Variants in EPB41L5 observed in about 807,000 individuals in gnomAD.
EPB41L5 encodes erythrocyte membrane protein band 4.1 like 5.
Under a neutral mutation model 106.6 loss-of-function variants are expected in EPB41L5, and 55 were observed. The observed-to-expected ratio is 0.52, with a 90% confidence interval of 0.42 to 0.65. The LOEUF (loss-of-function observed/expected upper bound fraction) is 0.65. EPB41L5 is among the 30% of genes least tolerant of loss of function. The probability of loss-of-function intolerance (pLI) is 0.00; values close to 1 mark genes in which losing one functional copy is unlikely to be tolerated. For missense variants in EPB41L5, 871 were observed against 882.1 expected (o/e 0.99, Z 0.16); for synonymous variants, 297 against 306.7 (o/e 0.97, Z 0.33).
At chr2:120,106,552 C>G (rs1204590433) in intron 16 of EPB41L5, 22 of 985,292 alleles carry the variant, frequency 2.2e-5, no homozygotes, top group East Asian at 1.1e-4. Context: ...AAGCACCTTA[C>G]TGGGTCACCA....
At chr2:120,121,372 C>A (rs530141731) in intron 16 of EPB41L5, among the ~76,000 whole-genome samples, 5 of 152,232 alleles carry the variant, frequency 3.3e-5, no homozygotes, top group Middle Eastern at 3.4e-3. Flanking sequence ...CCCGACAGGC[C>A]CCAGTGTGTG....
In EPB41L5 at chr2:120,108,176, G is replaced by A. The variant is rs560551691; in HGVS notation, c.1337+7362G>A. ...GCCTCAGTTCTAGGTGGTGGTGCTT[G>A]AGTGAACATTTTACATTTTGTTCCT... is the stretch of plus-strand genomic sequence containing the variant. On this transcript the variant is annotated intron_variant, in intron 16 of 24. Transcript: ENST00000263713. 7.9e-5 allele frequency: 12 copies of A among 152,220 alleles called. No homozygotes were observed. In the East Asian group the frequency reaches 1.5e-3, roughly 20 times the overall value. The allele number at this position is 152,220 out of a possible 1,614,324, so 9.4% of individuals were successfully genotyped here.
chr2:120,065,293 ATTT>A (rs1330333029), intron 3 of EPB41L5, among the ~76,000 whole-genome samples: 2 of 147,754 alleles, frequency 1.4e-5, no homozygotes, highest in Admixed American at 1.4e-4. Context: ...TTAAAAAAAA[ATTT>A]TTTTTTTTGG....
chr2:120,058,621 C>G (rs771104034), intron 3 of EPB41L5, among the ~76,000 whole-genome samples: 1 of 152,178 alleles, frequency 6.6e-6, no homozygotes, highest in South Asian at 2.1e-4. Context: ...CATTTACCTG[C>G]AAAAGACAGT....
At chr2:120,165,016 T>G in intron 22 of EPB41L5, 106 bp downstream of exon 22, 1 of 816,482 alleles carries the variant, frequency 1.2e-6, no homozygotes, top group Non-Finnish European at 1.9e-6. Flanking sequence ...AAACTTTTCA[T>G]TTGATAAGAG....
chr2:120,065,509 A>G (rs1477067152), intron 3 of EPB41L5, among the ~76,000 whole-genome samples: 1 of 114,422 alleles, frequency 8.7e-6, no homozygotes, highest in Non-Finnish European at 1.7e-5. Flanking sequence ...AAGACTTTAG[A>G]TTGTTCTTTT....
chr2:120,090,584 T>C (rs1436125083), intron 12 of EPB41L5, 68 bp downstream of exon 12: 2 of 1,393,018 alleles, frequency 1.4e-6, no homozygotes, highest in Non-Finnish European at 2.0e-6. Flanking sequence ...GCCAATCTTC[T>C]CTTTTTTACA....
At chr2:120,120,431 CA>C (rs35837378) in intron 16 of EPB41L5, among the ~76,000 whole-genome samples, 286 of 92,798 alleles carry the variant, frequency 3.1e-3, no homozygotes, top group Middle Eastern at 0.011. Context: ...CACTCAATCT[CA>C]AAAAAAAAAA....
intron 18 of EPB41L5, among the ~76,000 whole-genome samples, chr2:120,137,969 A>G (rs1298540153): frequency 2.0e-5 from 3 of 152,104 alleles, no homozygotes; most frequent in Non-Finnish European, 2.9e-5. Context: ...ATACTAGCAA[A>G]CTGAATTCAA....
Position 120,055,768 on chromosome 2 carries a change from A to G in EPB41L5, c.285+13658A>G, listed in dbSNP as rs562893218. On this transcript the variant is annotated intron_variant, in intron 3 of 24. Transcript: ENST00000263713. Reference sequence around the variant, plus strand: ...CATTTTTGGATTGTTCATTGTTAGCATATAGAACTGCAACTGATTTTTGTG... The same window carrying G: ...CATTTTTGGATTGTTCATTGTTAGCGTATAGAACTGCAACTGATTTTTGTG... Among the ~76,000 whole-genome samples, 688 of 152,242 alleles carry G rather than the reference A, an allele frequency of 4.5e-3. 3 individuals carry two copies. Among genetic ancestry groups the G allele is most frequent in the Non-Finnish European group, 7.4e-3 (505 of 68,014 alleles).
At chr2:120,018,090 A>T (rs1677658855) in intron 1 of EPB41L5, among the ~76,000 whole-genome samples, 1 of 151,730 alleles carries the variant, frequency 6.6e-6, no homozygotes, top group African/African-American at 2.4e-5. Context: ...GCCTCCCGGT[A>T]GCTGGGACTA....
intron 24 of EPB41L5, among the ~76,000 whole-genome samples, chr2:120,173,097 C>T (rs1220839920): frequency 1.3e-5 from 2 of 151,908 alleles, no homozygotes; most frequent in South Asian, 2.1e-4. Context: ...TAAGCCATCA[C>T]GACAACAAAA....
intron 16 of EPB41L5, among the ~76,000 whole-genome samples, chr2:120,112,369 A>C (rs1033938786): frequency 6.6e-6 from 1 of 152,102 alleles, no homozygotes. Context: ...ATCCTCAGAC[A>C]CTCCATATAT....
Position 120,176,830 on chromosome 2 carries a change from T to G in EPB41L5, c.*1923T>G, listed in dbSNP as rs1244523833. On this transcript the variant is annotated 3_prime_UTR_variant, in exon 25 of 25. Coordinates refer to ENST00000263713, the MANE Select transcript of EPB41L5 (RefSeq NM_020909.4). ...TGGAAGACCTAAATCTCCCATCCAGTTCAGGAGGTGACAACATCCTTATTT... is the reference window on the plus strand; with the variant it reads ...TGGAAGACCTAAATCTCCCATCCAGGTCAGGAGGTGACAACATCCTTATTT... 1 of 152,196 alleles carries G rather than the reference T, an allele frequency of 6.6e-6. No homozygotes were observed. The highest frequency in any genetic ancestry group is 1.9e-4 in the East Asian group (1 of 5,198). 9.4% of individuals were successfully genotyped at this position (152,196 alleles called of 1,614,324 possible).
At chr2:120,156,393 C>A (rs555331999) in intron 20 of EPB41L5, among the ~76,000 whole-genome samples, 1 of 152,336 alleles carries the variant, frequency 6.6e-6, no homozygotes, top group African/African-American at 2.4e-5. Flanking sequence ...CCCCACACTT[C>A]AGCTTCCCCC....
chr2:120,133,753 A>G lies in EPB41L5; in HGVS notation c.1599+2038A>G, dbSNP rs555551319. ...CAGAGCCAGTGGACCTGGGGTACACATGACCTAGAGAGATACTAGCTGGAG... is the reference window on the plus strand; with the variant it reads ...CAGAGCCAGTGGACCTGGGGTACACGTGACCTAGAGAGATACTAGCTGGAG... On this transcript the variant is annotated intron_variant, in intron 18 of 24. Coordinates refer to ENST00000263713, the MANE Select transcript of EPB41L5 (RefSeq NM_020909.4). Among the ~76,000 whole-genome samples, 42 of 152,316 alleles carry G rather than the reference A, an allele frequency of 2.8e-4. 1 individual carries two copies. Among genetic ancestry groups the G allele is most frequent in the African/African-American group, 7.9e-4 (33 of 41,574 alleles).
intron 18 of EPB41L5, among the ~76,000 whole-genome samples, chr2:120,142,126 AAAAAAAAAC>A (rs1473994070): frequency 1.6e-4 from 24 of 151,248 alleles, no homozygotes; most frequent in Admixed American, 1.3e-3. Context: ...AAAAAAAAAA[AAAAAAAAAC>A]AAGGTAAAAT....
chr2:120,150,838 A>G (rs879043726), intron 20 of EPB41L5, among the ~76,000 whole-genome samples: 1 of 152,188 alleles, frequency 6.6e-6, no homozygotes, highest in Non-Finnish European at 1.5e-5. Flanking sequence ...CTTAGTGATC[A>G]GCCTTTTGAT....
At chr2:120,104,049 C>T in intron 16 of EPB41L5, 3 of 1,525,324 alleles carry the variant, frequency 2.0e-6, no homozygotes, top group Non-Finnish European at 2.6e-6. Flanking sequence ...TCCCACTCCC[C>T]AACCATCCAG....
Sources: allele counts gnomAD v4.1 joint callset (sites outside exome capture counted in the v4.1 genomes callset), GRCh38; gene constraint gnomAD v4.1.1; transcripts MANE v1.5; gene names NCBI Gene and HGNC (gene_info 2026-07-23, HGNC 2026-07-21).